The following LCORL variants were observed in gnomAD, a reference collection of about 807,000 sequenced individuals.
The protein encoded by LCORL is ligand-dependent nuclear receptor corepressor-like protein.
In LCORL, 41 loss-of-function variants were observed where a neutral mutation model predicts 141.8. The ratio of observed to expected loss-of-function variants is 0.29; its 90% CI spans 0.23 to 0.38. The LOEUF is 0.38. Ranked by LOEUF, LCORL falls within the 10% of genes least tolerant of loss-of-function variation. The pLI is 1.00. For synonymous variants in LCORL, 618 were observed against 694.1 expected (o/e 0.89, Z 1.72); for missense variants, 1,759 against 2,035.0 (o/e 0.86, Z 2.61).
chr4:17,883,050 C>T (rs975290718), intron 6 of LCORL: 69 of 977,538 alleles, frequency 7.1e-5, no homozygotes, highest in Non-Finnish European at 8.0e-5. Flanking sequence ...AAGTATATAC[C>T]TTATAAACCC....
Position 17,852,933 on chromosome 4 carries a change from C to T in LCORL, c.5603-7032G>A, listed in dbSNP as rs369582378. On this transcript the variant is annotated intron_variant, in intron 7 of 7. Transcript: ENST00000635767. ...TCATTTCTGTCATAGGGACAATAAA[C>T]TTGAATGTTACCTAGCCGACTCTTA... 3.9e-5 allele frequency among the ~76,000 whole-genome samples: 6 copies of T among 152,066 alleles called. No homozygotes were observed. In the East Asian group the frequency reaches 1.2e-3, roughly 29 times the overall value.
At chr4:17,886,283 T>C in intron 5 of LCORL, 122 bp from the exon 6 acceptor site, 4 of 638,200 alleles carry the variant, frequency 6.3e-6, no homozygotes, top group South Asian at 1.9e-5. Context: ...GGCCATTACC[T>C]ATTCATCTTA....
intron 1 of LCORL, among the ~76,000 whole-genome samples, chr4:18,017,495 A>C (rs567037138): frequency 2.0e-5 from 3 of 152,280 alleles, no homozygotes; most frequent in African/African-American, 7.2e-5. Flanking sequence ...CATGAATCTC[A>C]AGATATGATG....
At chr4:17,901,622 TGTAA>T (rs1251484007) in intron 5 of LCORL, among the ~76,000 whole-genome samples, 3 of 152,100 alleles carry the variant, frequency 2.0e-5, no homozygotes, top group East Asian at 1.9e-4. Flanking sequence ...TCAATATAGC[TGTAA>T]GTGTCAGGGC....
chr4:17,907,699 C>A (rs958276538), intron 5 of LCORL, among the ~76,000 whole-genome samples: 3 of 151,660 alleles, frequency 2.0e-5, no homozygotes, highest in Non-Finnish European at 1.5e-5. Context: ...AAAAATAACA[C>A]AGGGAACCCC....
intron 6 of LCORL, among the ~76,000 whole-genome samples, chr4:17,879,714 A>G (rs1017465715): frequency 6.6e-6 from 1 of 151,094 alleles, no homozygotes; most frequent in Admixed American, 6.6e-5. Context: ...CCAGCAAATT[A>G]AAAATGACTA....
chr4:17,868,289 G>A (rs775731830), intron 7 of LCORL, among the ~76,000 whole-genome samples: 1 of 152,016 alleles, frequency 6.6e-6, no homozygotes, highest in African/African-American at 2.4e-5. Flanking sequence ...GACGACAGAT[G>A]GCAAAATAGA....
At chr4:18,001,876 T>C (rs1722026123) in intron 1 of LCORL, among the ~76,000 whole-genome samples, 2 of 152,304 alleles carry the variant, frequency 1.3e-5, no homozygotes, top group Admixed American at 6.5e-5. Flanking sequence ...CCCAGAATCA[T>C]TATACTTGTT....
chr4:17,993,243 C>T (rs903874357), intron 1 of LCORL, among the ~76,000 whole-genome samples: 2 of 152,134 alleles, frequency 1.3e-5, no homozygotes, highest in African/African-American at 4.8e-5. Context: ...CTCACTCTGT[C>T]GCCCAGGCTG....
rs907368479 is a variant in LCORL, at chr4:17,856,351, G to A, written c.5603-10450C>T. Among the ~76,000 whole-genome samples, 4 of 152,120 alleles carry A rather than the reference G, an allele frequency of 2.6e-5. No individual in the cohort carries two copies. In the East Asian group the frequency reaches 5.8e-4, roughly 22 times the overall value. ...AAGAGTGAAGCTCTAATCTGATGAC[G>A]CTGGTGTTCCTGTAAGAGGAGGAAG... On this transcript the variant is annotated intron_variant, in intron 7 of 7. Transcript: ENST00000635767.
chr4:17,889,217 T>G (rs909486542), intron 5 of LCORL, among the ~76,000 whole-genome samples: 3 of 152,086 alleles, frequency 2.0e-5, no homozygotes, highest in Non-Finnish European at 4.4e-5. Context: ...ACTCCATCTT[T>G]CAGAAACCTA....
At chr4:17,910,791 T>C (rs1281135327) in intron 4 of LCORL, among the ~76,000 whole-genome samples, 1 of 152,230 alleles carries the variant, frequency 6.6e-6, no homozygotes, top group Non-Finnish European at 1.5e-5. Flanking sequence ...GATCACAGGG[T>C]GCTATCTCAG....
rs16896165 is a variant in LCORL at position 17,969,303 on chromosome 4, A to G, written c.220+3517T>C. Among the ~76,000 whole-genome samples the G allele has an allele frequency of 3.4e-3, 511 of 152,324 alleles. 7 individuals are homozygous for G. Among genetic ancestry groups the G allele is most frequent in the African/African-American group, 0.012 (482 of 41,584 alleles). On this transcript the variant is annotated intron_variant, in intron 2 of 7. Coordinates refer to ENST00000635767, the Ensembl canonical transcript of LCORL. Reference sequence around the variant, plus strand: ...TTATGCTTTCTTCATAAGGACAGTCATAAGACAGACTAAAGAAGATTTTGT... The same window carrying G: ...TTATGCTTTCTTCATAAGGACAGTCGTAAGACAGACTAAAGAAGATTTTGT...
intron 7 of LCORL, among the ~76,000 whole-genome samples, chr4:17,846,301 T>G (rs542175541): frequency 2.6e-5 from 4 of 152,298 alleles, no homozygotes; most frequent in African/African-American, 9.6e-5. Flanking sequence ...TCTAGCCACC[T>G]TCACATGTAT....
Position 18,021,309 on chromosome 4 carries a change from G to A in LCORL, c.154+289C>T, listed in dbSNP as rs2109923456. Among the ~76,000 whole-genome samples the A allele has an allele frequency of 6.6e-6, 1 of 152,244 alleles. No individual in the cohort carries two copies. The highest frequency in any genetic ancestry group is 6.5e-5 in the Admixed American group (1 of 15,310). On this transcript the variant is annotated intron_variant, in intron 1 of 7. Coordinates refer to ENST00000635767, the Ensembl canonical transcript of LCORL. The surrounding 1 kb of genome is among the most constrained non-coding windows in gnomAD (Gnocchi z 5.5). ...AGCGACGGGCGCCGAGGAGTTTCGG[G>A]GAGAGAGCGAGCGGGCGGCTTCCGC... is the stretch of plus-strand genomic sequence containing the variant.
At chr4:18,007,237 G>T (rs1722969680) in intron 1 of LCORL, among the ~76,000 whole-genome samples, 1 of 151,992 alleles carries the variant, frequency 6.6e-6, no homozygotes, top group East Asian at 1.9e-4. Context: ...CTATAAAGTA[G>T]GATGAAAAAT....
chr4:17,876,623 A>T lies in LCORL; in HGVS notation c.2367T>A (p.Asn789Lys), dbSNP rs906977356. 7 of 1,230,614 alleles carry T rather than the reference A, an allele frequency of 5.7e-6. No homozygotes were observed. In the Admixed American group the frequency reaches 2.5e-4, roughly 45 times the overall value. 76.2% of individuals were successfully genotyped at this position (1,230,614 alleles called of 1,614,324 possible). A position where few individuals can be genotyped will look rare whatever the true frequency, so the allele number is the denominator to read the frequency against. The change falls in exon 7 of 8, where the codon AAT becomes AAA. Residue 789 changes from asparagine to lysine, a missense_variant. Around this residue, in one of 5 missense-constraint regions of LCORL, gnomAD observed 1,311 missense variants for 1,531.3 expected, o/e 0.86. Transcript: ENST00000635767. ...CTTTAGGGGATTTTTTAAAAACATA[A>T]TTATTTGTTACATATACAGAATACC...
At chr4:18,010,018 A>G (rs954151735) in intron 1 of LCORL, among the ~76,000 whole-genome samples, 1 of 152,198 alleles carries the variant, frequency 6.6e-6, no homozygotes, top group African/African-American at 2.4e-5. Flanking sequence ...TTGAAGAACA[A>G]TTAATTATAT....
rs1374013278 is a variant in LCORL at position 17,884,906 on chromosome 4, T to C, written c.776+1162A>G. Among the ~76,000 whole-genome samples, 1 of 151,932 alleles carries C rather than the reference T, an allele frequency of 6.6e-6. No individual in the cohort carries two copies. The highest frequency in any genetic ancestry group is 1.5e-5 in the Non-Finnish European group (1 of 67,936). ...GTCTGTGAGATGTAGTAGTTACTCC[T>C]TATCAAAGCAAACGCTACAGTCCTG... On this transcript the variant is annotated intron_variant, in intron 6 of 7. Coordinates refer to ENST00000635767, the Ensembl canonical transcript of LCORL. The surrounding 1 kb of genome is among the most constrained non-coding windows in gnomAD (Gnocchi z 4.4).
Sources: allele counts gnomAD v4.1 joint callset (sites outside exome capture counted in the v4.1 genomes callset), GRCh38; gene constraint gnomAD v4.1.1; regional missense constraint gnomAD v4.1.1; non-coding constraint Gnocchi (gnomAD v3.1); transcripts MANE v1.5; gene names NCBI Gene and HGNC (gene_info 2026-07-23, HGNC 2026-07-21).